The following CD48 variants were observed in gnomAD, a reference collection of about 807,000 sequenced individuals.
CD48 encodes CD48 antigen.
A neutral mutation model predicts 22.0 loss-of-function variants in CD48; 20 were observed. The observed-to-expected ratio is 0.91, with a 90% CI of 0.64 to 1.32. CD48 has a LOEUF of 1.32. Among genes scored for constraint, CD48 ranks in the 40% most tolerant of loss-of-function variants. CD48 has a pLI of 0.00. For synonymous variants in CD48, 110 were observed against 110.1 expected (o/e 1.00, Z 0.01); for missense variants, 307 against 286.5 (o/e 1.07, Z -0.52).
intron 1 of CD48, among the ~76,000 whole-genome samples, chr1:160,700,139 C>T (rs1662581249): frequency 6.6e-6 from 1 of 152,160 alleles, no homozygotes; most frequent in Non-Finnish European, 1.5e-5. Flanking sequence ...ACATAGCCAG[C>T]ATTGCCATTA....
At chr1:160,681,884 C>T (rs1245678582) in intron 2 of CD48, among the ~76,000 whole-genome samples, 1 of 152,164 alleles carries the variant, frequency 6.6e-6, no homozygotes, top group African/African-American at 2.4e-5. Flanking sequence ...TTCCAATTAT[C>T]GGATTCAGCT....
At chr1:160,691,669 G>A (rs1302782864) in intron 1 of CD48, 1 of 240,396 alleles carries the variant, frequency 4.2e-6, no homozygotes, top group Non-Finnish European at 7.9e-6. Flanking sequence ...TCTATACTTT[G>A]TCTCTGTGTC....
chr1:160,689,627 A>G (rs1009761497), intron 1 of CD48, among the ~76,000 whole-genome samples: 43 of 152,348 alleles, frequency 2.8e-4, no homozygotes, highest in African/African-American at 1.0e-3. Flanking sequence ...CACTGCCATC[A>G]GGGAGGATTG....
At chr1:160,691,861 G>C in intron 1 of CD48, 1 of 355,142 alleles carries the variant, frequency 2.8e-6, no homozygotes, top group Non-Finnish European at 5.0e-6. Context: ...TCAGCCTTAC[G>C]GTAAGCTTGT....
chr1:160,711,002 G>A (rs139580096), intron 1 of CD48, among the ~76,000 whole-genome samples: 2 of 152,218 alleles, frequency 1.3e-5, no homozygotes, highest in Non-Finnish European at 2.9e-5. Flanking sequence ...GATGAAGAAA[G>A]AGGGTGAGGC....
intron 2 of CD48, among the ~76,000 whole-genome samples, chr1:160,683,267 C>T (rs952169475): frequency 3.3e-5 from 5 of 152,182 alleles, no homozygotes; most frequent in African/African-American, 4.8e-5. Flanking sequence ...TTGGGTTGTC[C>T]AGCTCCAAGA....
chr1:160,679,236 G>T, intron 3 of CD48, 105 bp from the exon 4 acceptor site: 1 of 839,928 alleles, frequency 1.2e-6, no homozygotes, highest in Non-Finnish European at 2.0e-6. Context: ...CACAGAGCAG[G>T]GAAATTAATT....
chr1:160,687,526 T>C (rs1571053796), intron 1 of CD48, among the ~76,000 whole-genome samples: 1 of 152,208 alleles, frequency 6.6e-6, no homozygotes, highest in Admixed American at 6.5e-5. Flanking sequence ...AAGTATTAAT[T>C]TGGGGAACTA....
chr1:160,683,125 T>G (rs1661867026), intron 2 of CD48, among the ~76,000 whole-genome samples: 1 of 152,240 alleles, frequency 6.6e-6, no homozygotes, highest in African/African-American at 2.4e-5. Flanking sequence ...CCTATATGTT[T>G]TAATTGAGCA....
chr1:160,704,529 T>A (rs1662735401), intron 1 of CD48, among the ~76,000 whole-genome samples: 1 of 152,244 alleles, frequency 6.6e-6, no homozygotes, highest in Admixed American at 6.5e-5. Flanking sequence ...ATGGACATGT[T>A]GCAATCGGGC....
chr1:160,704,092 TA>T (rs1453410558), intron 1 of CD48, among the ~76,000 whole-genome samples: 1 of 152,184 alleles, frequency 6.6e-6, no homozygotes, highest in African/African-American at 2.4e-5. Context: ...AGCAAGTTAT[TA>T]GAAGGTAACA....
chr1:160,685,537 G>T (rs1359692627), intron 1 of CD48, among the ~76,000 whole-genome samples: 1 of 152,114 alleles, frequency 6.6e-6, no homozygotes, highest in Admixed American at 6.5e-5. Context: ...TCTCTGCTCT[G>T]GTCTTGTGTT....
At chr1:160,684,471 A>T (rs1275935905) in intron 2 of CD48, 1 of 358,138 alleles carries the variant, frequency 2.8e-6, no homozygotes, top group Non-Finnish European at 5.1e-6. Flanking sequence ...CCCATTATGA[A>T]AGTTGAAAAA....
intron 2 of CD48, chr1:160,683,533 T>TTA (rs1206701623): frequency 6.6e-6 from 1 of 151,850 alleles, no homozygotes; most frequent in Non-Finnish European, 1.5e-5. Context: ...TTTTTTTTTT[T>TTA]TAAATCTTGT....
At chr1:160,687,558 A>G (rs1322867377) in intron 1 of CD48, among the ~76,000 whole-genome samples, 2 of 152,204 alleles carry the variant, frequency 1.3e-5, no homozygotes, top group African/African-American at 4.8e-5. Flanking sequence ...TAAAATATTC[A>G]CAATCCACGT....
At chr1:160,681,158 C>A (rs1311085383) in intron 3 of CD48, 44 bp downstream of exon 3, 1 of 1,613,948 alleles carries the variant, frequency 6.2e-7, no homozygotes, top group Admixed American at 1.7e-5. Context: ...CAAAACAACT[C>A]CAGTTACCCT....
At chr1:160,708,881 C>T (rs756571674) in intron 1 of CD48, among the ~76,000 whole-genome samples, 11 of 152,096 alleles carry the variant, frequency 7.2e-5, no homozygotes, top group Non-Finnish European at 1.3e-4. Flanking sequence ...TTAGAAAAGA[C>T]CATGCAGCAT....
At chr1:160,687,683 T>C (rs1262667345) in intron 1 of CD48, among the ~76,000 whole-genome samples, 2 of 152,238 alleles carry the variant, frequency 1.3e-5, no homozygotes, top group African/African-American at 2.4e-5. Context: ...TTCATTCTCT[T>C]GATTTTGACA....
intron 1 of CD48, among the ~76,000 whole-genome samples, chr1:160,691,325 C>T (rs141527524): frequency 0.012 from 1,828 of 152,252 alleles, 35 homozygotes; most frequent in African/African-American, 0.041. Context: ...GTATAAAACC[C>T]GATTGTACGT....
Sources: gnomAD v4.1 joint callset for allele counts (sites outside exome capture counted in the v4.1 genomes callset) on GRCh38, gnomAD v4.1.1 for gene constraint, MANE v1.5 for transcripts, NCBI Gene and HGNC (gene_info 2026-07-23, HGNC 2026-07-21) for gene names.